The following PCDHA1 variants were observed in gnomAD, a reference collection of about 807,000 sequenced individuals.
PCDHA1 encodes the protein protocadherin alpha 1.
Under a neutral mutation model 61.3 loss-of-function variants are expected in PCDHA1, and 42 were observed. The observed-to-expected ratio is 0.69, with a 90% CI of 0.54 to 0.89. The LOEUF is 0.89. PCDHA1 is among the 40% of genes least tolerant of loss of function. PCDHA1 has a pLI of 0.00. For synonymous variants in PCDHA1, 610 were observed against 553.8 expected, an observed-to-expected ratio of 1.10 and a Z score of -1.43; for missense variants, 1,256 against 1,235.3, an observed-to-expected ratio of 1.02 and a Z score of -0.25.
chr5:140,790,052 C>T (rs910392866), intron 1 of PCDHA1, among the ~76,000 whole-genome samples: 1 of 152,176 alleles, frequency 6.6e-6, no homozygotes, highest in Non-Finnish European at 1.5e-5. Context: ...TACTTACCTT[C>T]CTGTAAGTCA....
intron 1 of PCDHA1, chr5:140,875,557 G>C: frequency 5.6e-6 from 9 of 1,614,064 alleles, no homozygotes; most frequent in Non-Finnish European, 7.6e-6. Flanking sequence ...GGTGGGGAGC[G>C]GCCAGCTCCA....
chr5:140,801,480 C>T lies in PCDHA1; in HGVS notation c.2394+12796C>T, dbSNP rs1175554033. ...GAATTCTCGGATAGACCGCGAGGAA[C>T]TGTGCGGGCGGAGCGCGGAGTGCAG... On this transcript the variant is annotated intron_variant, in intron 1 of 3. Coordinates refer to ENST00000504120, the MANE Select transcript of PCDHA1 (RefSeq NM_018900.4). 4.3e-6 allele frequency: 7 copies of T among 1,613,984 alleles called. No homozygotes were observed. The African/African-American group carries it at 6.7e-5, about 15-fold the overall frequency.
intron 1 of PCDHA1, among the ~76,000 whole-genome samples, chr5:140,874,557 G>A (rs782715249): frequency 9.9e-5 from 15 of 152,144 alleles, no homozygotes; most frequent in Non-Finnish European, 1.6e-4. Flanking sequence ...GAGATCTTTC[G>A]CATTTTAGTG....
chr5:140,943,923 C>A (rs1454812803), intron 1 of PCDHA1, among the ~76,000 whole-genome samples: 1 of 152,162 alleles, frequency 6.6e-6, no homozygotes, highest in Non-Finnish European at 1.5e-5. Flanking sequence ...GCATGAGCAG[C>A]TTTAGAAGTG....
intron 1 of PCDHA1, chr5:140,882,692 A>G (rs998224514): frequency 6.2e-7 from 1 of 1,614,204 alleles, no homozygotes; most frequent in South Asian, 1.1e-5. Context: ...ACGAATAATC[A>G]TTGCAGAATC....
At chr5:140,953,565 C>A (rs1433649283) in intron 1 of PCDHA1, among the ~76,000 whole-genome samples, 2 of 151,370 alleles carry the variant, frequency 1.3e-5, no homozygotes, top group African/African-American at 2.5e-5. Context: ...AGTTTTAGTG[C>A]CCTCCTCTCC....
intron 1 of PCDHA1, chr5:140,824,125 A>T (rs2150132340): frequency 6.2e-7 from 1 of 1,613,888 alleles, no homozygotes; most frequent in South Asian, 1.1e-5. Flanking sequence ...CTCTACAGAC[A>T]ACGTGAGTTT....
intron 1 of PCDHA1, chr5:140,797,413 A>T: frequency 6.6e-7 from 1 of 1,509,416 alleles, no homozygotes; most frequent in South Asian, 1.2e-5. Context: ...ATTCTATATG[A>T]TTTCTACTAG....
At chr5:140,890,688 T>C (rs570229410) in intron 1 of PCDHA1, among the ~76,000 whole-genome samples, 4 of 152,334 alleles carry the variant, frequency 2.6e-5, no homozygotes, top group Admixed American at 2.6e-4. Flanking sequence ...TTCTGGGAAA[T>C]GCAGGGACCT....
intron 1 of PCDHA1, chr5:140,863,088 C>T: frequency 1.7e-6 from 1 of 574,660 alleles, no homozygotes; most frequent in Non-Finnish European, 3.4e-6. Flanking sequence ...GCGAGATCAG[C>T]ACGACGAGTA....
At chr5:140,796,546 G>A (rs782397943) in intron 1 of PCDHA1, 15 of 1,612,966 alleles carry the variant, frequency 9.3e-6, no homozygotes, top group Non-Finnish European at 1.0e-5. Context: ...CCACGAGGAA[G>A]TGGAGCTGCT....
intron 1 of PCDHA1, among the ~76,000 whole-genome samples, chr5:140,888,156 A>G (rs556908449): frequency 6.6e-6 from 1 of 152,182 alleles, no homozygotes; most frequent in African/African-American, 2.4e-5. Flanking sequence ...CATGACTGGT[A>G]ATCTCTAATA....
rs2150110384 is a variant in PCDHA1, at chr5:140,821,746, T to C, written c.2394+33062T>C. ...CAAAATACATTGTGTGGTGATGCAATAGAAAGCTCATAATTGGAACGAGAT... is the reference window on the plus strand; with the variant it reads ...CAAAATACATTGTGTGGTGATGCAACAGAAAGCTCATAATTGGAACGAGAT... On this transcript the variant is annotated intron_variant, in intron 1 of 3. Transcript: ENST00000504120. 12 of 1,569,278 alleles carry C rather than the reference T, an allele frequency of 7.6e-6. No individual in the cohort carries two copies. The South Asian group carries it at 1.3e-4, about 17-fold the overall frequency.
chr5:140,930,377 T>C (rs1480359985), intron 1 of PCDHA1: 1 of 152,198 alleles, frequency 6.6e-6, no homozygotes, highest in Non-Finnish European at 1.5e-5. Flanking sequence ...TAGTGGCCCT[T>C]GGCATTTCAA....
chr5:140,840,744 A>T (rs2150309255), intron 1 of PCDHA1, among the ~76,000 whole-genome samples: 1 of 152,224 alleles, frequency 6.6e-6, no homozygotes, highest in Non-Finnish European at 1.5e-5. Flanking sequence ...ATTTAACAAT[A>T]AGAACACAAG....
intron 1 of PCDHA1, among the ~76,000 whole-genome samples, chr5:140,941,214 C>CCTTCTTTCTTTCTTT (rs1554214040): frequency 8.2e-6 from 1 of 122,414 alleles, no homozygotes; most frequent in Non-Finnish European, 1.7e-5. Context: ...TTTCTTTCTT[C>CCTTCTTTCTTTCTTT]CTTTCTTTCT....
At chr5:140,790,372 C>G (rs1761581965) in intron 1 of PCDHA1, among the ~76,000 whole-genome samples, 1 of 152,170 alleles carries the variant, frequency 6.6e-6, no homozygotes, top group Non-Finnish European at 1.5e-5. Context: ...GTCAAACTTT[C>G]AAACATACAT....
In PCDHA1 at chr5:141,012,013, G is replaced by A. The variant is rs181445737; in HGVS notation, c.*2076G>A. 25 of 153,796 alleles carry A rather than the reference G, an allele frequency of 1.6e-4. No homozygotes were observed. The highest frequency in any genetic ancestry group is 2.1e-4 in the South Asian group (1 of 4,818). 9.5% of individuals were successfully genotyped at this position (153,796 alleles called of 1,614,324 possible). A position where few individuals can be genotyped will look rare whatever the true frequency, so the allele number is the denominator to read the frequency against. ...CATTCTCCCATATTTTGAAGGGTGTGTAACTTCAGCTCTGCAGGATTGCAT... is the reference window on the plus strand; with the variant it reads ...CATTCTCCCATATTTTGAAGGGTGTATAACTTCAGCTCTGCAGGATTGCAT... On this transcript the variant is annotated 3_prime_UTR_variant, in exon 4 of 4. Transcript: ENST00000504120.
At chr5:140,943,861 A>AG (rs2093579644) in intron 1 of PCDHA1, among the ~76,000 whole-genome samples, 1 of 152,230 alleles carries the variant, frequency 6.6e-6, no homozygotes, top group South Asian at 2.1e-4. Flanking sequence ...AGTCAAGAAG[A>AG]GGTCTCTGAA....
Sources: allele counts gnomAD v4.1 joint callset (sites outside exome capture counted in the v4.1 genomes callset), GRCh38; gene constraint gnomAD v4.1.1; transcripts MANE v1.5; gene names NCBI Gene and HGNC (gene_info 2026-07-23, HGNC 2026-07-21).